Variants in RELCH observed in about 807,000 individuals in gnomAD.
The protein encoded by RELCH is RAB11 binding and LisH domain, coiled-coil and HEAT repeat containing.
Under a neutral mutation model 150.3 loss-of-function variants are expected in RELCH, and 41 were observed. The ratio of observed to expected loss-of-function variants is 0.27; its 90% CI spans 0.21 to 0.35. RELCH has a LOEUF of 0.35. Ranked by LOEUF, RELCH falls within the 10% of genes least tolerant of loss-of-function variation. The pLI is 1.00. For missense variants in RELCH, 1,092 were observed against 1,467.8 expected (o/e 0.74, Z 4.18); for synonymous variants, 478 against 531.8 (o/e 0.90, Z 1.39).
At chr18:62,223,906 GA>G (rs914458195) in intron 5 of RELCH, among the ~76,000 whole-genome samples, 1 of 152,026 alleles carries the variant, frequency 6.6e-6, no homozygotes, top group Admixed American at 6.6e-5. Context: ...TAGAAATAGA[GA>G]GTCATTTCCC....
In RELCH at chr18:62,261,585, C is replaced by A. The variant is rs1195780500; in HGVS notation, c.2277C>A (p.Leu759=). ...CCTTGCAGTCCTTGATCCCATCTCT[C>A]TTTGCATTAGTGCTACAGAATGCAC... The part of the protein sequence containing the change: ...LSALQSLIPS[L]FALVLQNAPF... Residue 759 remains leucine, a synonymous_variant, in exon 16 of 29, where the codon CTC becomes CTA. Coordinates refer to ENST00000644646, the MANE Select transcript of RELCH (RefSeq NM_001346231.2). The A allele has an allele frequency of 4.3e-6, 7 of 1,612,122 alleles. 1 individual carries two copies. In the South Asian group the frequency reaches 7.7e-5, roughly 18 times the overall value.
chr18:62,198,586 TG>T (rs2039208012), intron 1 of RELCH, among the ~76,000 whole-genome samples: 1 of 152,230 alleles, frequency 6.6e-6, no homozygotes, highest in Non-Finnish European at 1.5e-5. Context: ...TGTGTGCTTG[TG>T]AGCTCCCTTA....
chr18:62,275,515 T>C, intron 22 of RELCH, 42 bp downstream of exon 22: 1 of 1,193,460 alleles, frequency 8.4e-7, no homozygotes, highest in African/African-American at 1.6e-5. Context: ...TTATAATGAT[T>C]TTTTTTTTTT....
At chr18:62,297,430 G>A (rs562792593) in intron 27 of RELCH, among the ~76,000 whole-genome samples, 3 of 151,930 alleles carry the variant, frequency 2.0e-5, no homozygotes, top group South Asian at 2.1e-4. Context: ...TGAAAATATA[G>A]AAGAAAGAAG....
intron 10 of RELCH, among the ~76,000 whole-genome samples, chr18:62,233,962 G>A (rs2041736800): frequency 6.6e-6 from 1 of 151,698 alleles, no homozygotes; most frequent in African/African-American, 2.4e-5. Context: ...GTGGTATGAT[G>A]TTTACTTTTC....
chr18:62,255,867 CT>C (rs1215447702), intron 13 of RELCH, among the ~76,000 whole-genome samples: 1 of 152,066 alleles, frequency 6.6e-6, no homozygotes, highest in Non-Finnish European at 1.5e-5. Flanking sequence ...GGCAAAAATG[CT>C]GCTGCATTAG....
chr18:62,284,636 T>C (rs1231612659), intron 25 of RELCH, among the ~76,000 whole-genome samples: 1 of 152,202 alleles, frequency 6.6e-6, no homozygotes. Flanking sequence ...AAGAATGCGA[T>C]AGTGTTATTC....
At chr18:62,195,490 G>C (rs549919823) in intron 1 of RELCH, among the ~76,000 whole-genome samples, 32 of 152,154 alleles carry the variant, frequency 2.1e-4, no homozygotes, top group African/African-American at 7.5e-4. Context: ...ATCAAAATTA[G>C]ACTGTAATTT....
In RELCH at chr18:62,275,588, T is replaced by G. The variant is rs80041808; in HGVS notation, c.2967+115T>G. On this transcript the variant is annotated intron_variant, in intron 22 of 28. Transcript: ENST00000644646. Reference sequence around the variant, plus strand: ...TTGCATATCATGTTATGTTGATATATATTTTATGGCTTTGAACAGTGTCTG... The same window carrying G: ...TTGCATATCATGTTATGTTGATATAGATTTTATGGCTTTGAACAGTGTCTG... The G allele has an allele frequency of 2.5e-3, 1,715 of 693,882 alleles. 28 individuals carry two copies. The East Asian group carries it at 0.035, about 14-fold the overall frequency. The allele number at this position is 693,882 out of a possible 1,614,324, so 43.0% of individuals were successfully genotyped here. A position where few individuals can be genotyped will look rare whatever the true frequency, so the allele number is the denominator to read the frequency against.
chr18:62,266,902 G>A lies in RELCH; in HGVS notation c.2680+153G>A, dbSNP rs139271076. ...ATGGAGTTCTTGGTTTTATAACTGT[G>A]TCACATCTAATATCCTTCCCATTAG... On this transcript the variant is annotated intron_variant, in intron 19 of 28. Transcript: ENST00000644646. 1.5e-3 allele frequency among the ~76,000 whole-genome samples: 235 copies of A among 151,976 alleles called. 1 individual carries two copies. Among genetic ancestry groups the A allele is most frequent in the African/African-American group, 5.3e-3 (219 of 41,532 alleles).
At position 62,264,048 on chromosome 18, in the gene RELCH, C is replaced by G; in HGVS notation, c.2410C>G (p.Arg804Gly). The G allele has an allele frequency of 1.2e-6, 2 of 1,609,000 alleles. No individual in the cohort carries two copies. The highest frequency in any genetic ancestry group is 1.7e-6 in the Non-Finnish European group (2 of 1,177,710). Residue 804 changes from arginine (R) to glycine (G), a missense_variant, in exon 17 of 29, where the codon CGT becomes GGT. Physicochemically the swap from Arg to Gly is moderately radical, Grantham distance 125. Transcript: ENST00000644646. Reference sequence around the variant, plus strand: ...AGATGTGTCCACTATTATCGGAAGTCGTGAGCAATTGGCAGTGCTGCTGCA... The same window carrying G: ...AGATGTGTCCACTATTATCGGAAGTGGTGAGCAATTGGCAGTGCTGCTGCA... ...LQDVSTIIGS[R>G]EQLAVLLQLY...
At chr18:62,261,201 T>C (rs936868301) in intron 15 of RELCH, among the ~76,000 whole-genome samples, 1 of 151,994 alleles carries the variant, frequency 6.6e-6, no homozygotes, top group Non-Finnish European at 1.5e-5. Flanking sequence ...AGAAAAAAGA[T>C]AAAGTGATTC....
intron 1 of RELCH, among the ~76,000 whole-genome samples, chr18:62,194,294 T>C (rs1406778740): frequency 6.6e-6 from 1 of 152,160 alleles, no homozygotes; most frequent in African/African-American, 2.4e-5. Context: ...GCTTTTGATT[T>C]CATCAAATCC....
intron 1 of RELCH, among the ~76,000 whole-genome samples, chr18:62,191,732 A>T (rs556957790): frequency 6.6e-6 from 1 of 152,078 alleles, no homozygotes; most frequent in East Asian, 1.9e-4. Flanking sequence ...GTTGCTTTTT[A>T]TGGCTGGCTG....
chr18:62,273,895 C>T (rs2044047159), intron 20 of RELCH, 85 bp from the exon 21 acceptor site: 7 of 831,948 alleles, frequency 8.4e-6, no homozygotes, highest in Non-Finnish European at 1.2e-5. Context: ...TATTTGGTAA[C>T]ATTTTCTAAT....
intron 26 of RELCH, among the ~76,000 whole-genome samples, chr18:62,291,070 TAG>T (rs1314121405): frequency 3.9e-5 from 6 of 152,218 alleles, no homozygotes; most frequent in African/African-American, 1.4e-4. Flanking sequence ...ATATGCACTA[TAG>T]AGTTTTTCTA....
intron 16 of RELCH, 46 bp downstream of exon 16, chr18:62,261,704 C>G (rs759545221): frequency 7.9e-6 from 12 of 1,524,688 alleles, no homozygotes; most frequent in Non-Finnish European, 1.1e-5. Flanking sequence ...TATTAGCAGC[C>G]TAGCTTCCCA....
chr18:62,290,671 G>A (rs531614336), intron 26 of RELCH, among the ~76,000 whole-genome samples: 21 of 152,274 alleles, frequency 1.4e-4, no homozygotes, highest in Non-Finnish European at 2.9e-4. Flanking sequence ...TTGTTTTCTG[G>A]AGAAAGTTTT....
chr18:62,236,076 G>A lies in RELCH; in HGVS notation c.1620+3649G>A, dbSNP rs533361099. On this transcript the variant is annotated intron_variant, in intron 10 of 28. Transcript: ENST00000644646. ...TCAATCTTTCACCATTGACTATGAT[G>A]TTTGCTATAGAATTTTTATAAATGC... Among the ~76,000 whole-genome samples, 12 of 152,000 alleles carry A rather than the reference G, an allele frequency of 7.9e-5. 1 individual carries two copies. The East Asian group carries it at 2.3e-3, about 29-fold the overall frequency.
Sources: gnomAD v4.1 joint callset for allele counts (sites outside exome capture counted in the v4.1 genomes callset) on GRCh38, gnomAD v4.1.1 for gene constraint, MANE v1.5 for transcripts, NCBI Gene and HGNC (gene_info 2026-07-23, HGNC 2026-07-21) for gene names.